The following ST8SIA1 variants were observed in gnomAD, a reference collection of about 807,000 sequenced individuals.
ST8SIA1 encodes alpha-N-acetylneuraminide alpha-2,8-sialyltransferase.
Under a neutral mutation model 35.9 loss-of-function variants are expected in ST8SIA1, and 16 were observed. The ratio of observed to expected loss-of-function variants is 0.45; its 90% CI spans 0.30 to 0.68. The LOEUF (loss-of-function observed/expected upper bound fraction) is 0.68, where lower values mean the gene tolerates loss of function less well. ST8SIA1 is among the 30% of genes least tolerant of loss of function. ST8SIA1 has a pLI of 0.09. For missense variants in ST8SIA1, 383 were observed against 453.6 expected (o/e 0.84, Z 1.41); for synonymous variants, 170 against 169.6 (o/e 1.00, Z -0.02).
intron 1 of ST8SIA1, among the ~76,000 whole-genome samples, chr12:22,322,940 C>T (rs1866620863): frequency 6.6e-6 from 1 of 152,158 alleles, no homozygotes. Context: ...TCCTTGAAAT[C>T]TCTACCTTAT....
At chr12:22,318,732 G>A (rs1324202292) in intron 1 of ST8SIA1, among the ~76,000 whole-genome samples, 1 of 152,172 alleles carries the variant, frequency 6.6e-6, no homozygotes, top group Non-Finnish European at 1.5e-5. Flanking sequence ...AGAATAAAGT[G>A]TTAATTCACC....
chr12:22,243,085 CTATAAT>C (rs370962359), intron 4 of ST8SIA1, among the ~76,000 whole-genome samples: 86 of 152,246 alleles, frequency 5.6e-4, no homozygotes, highest in African/African-American at 1.7e-3. Flanking sequence ...CTTTTTTTCA[CTATAAT>C]TATGAGTGCC....
chr12:22,316,028 CTAAA>C (rs901143987), intron 1 of ST8SIA1, among the ~76,000 whole-genome samples: 2 of 151,852 alleles, frequency 1.3e-5, no homozygotes, highest in African/African-American at 4.8e-5. Flanking sequence ...TCTAAAAAAA[CTAAA>C]TACTCTGTTT....
rs1864988648 is a variant in ST8SIA1, at chr12:22,196,394, T to A, written c.*5158A>T. The A allele has an allele frequency of 6.6e-6, 1 of 152,122 alleles. No individual in the cohort carries two copies. Among genetic ancestry groups the A allele is most frequent in the African/African-American group, 2.4e-5 (1 of 41,404 alleles). The allele number at this position is 152,122 out of a possible 1,614,324, so 9.4% of individuals were successfully genotyped here. On this transcript the variant is annotated 3_prime_UTR_variant, in exon 5 of 5. Transcript: ENST00000396037. The stretch of plus-strand genomic sequence containing the variant: ...GTTTCAATCTCTCACCCCTAAGATG[T>A]ATGTAAAAAATTCAAAAGACAAGTC...
intron 4 of ST8SIA1, among the ~76,000 whole-genome samples, chr12:22,241,775 T>C (rs1037058816): frequency 3.9e-5 from 6 of 152,056 alleles, no homozygotes; most frequent in Non-Finnish European, 8.8e-5. Flanking sequence ...TCTGCTTCTG[T>C]GAGCAACTTC....
chr12:22,197,936 G>C lies in ST8SIA1; in HGVS notation c.*3616C>G, dbSNP rs1301362264. 4 of 152,098 alleles carry C rather than the reference G, an allele frequency of 2.6e-5. No individual in the cohort carries two copies. Among genetic ancestry groups the C allele is most frequent in the African/African-American group, 9.7e-5 (4 of 41,424 alleles). 9.4% of individuals were successfully genotyped at this position (152,098 alleles called of 1,614,324 possible). On this transcript the variant is annotated 3_prime_UTR_variant, in exon 5 of 5. Transcript: ENST00000396037. ...TTATGCAGTTTAGATGTGCAATTTT[G>C]TATAAACTTTTGGCAAAATCCTCTA... is the stretch of plus-strand genomic sequence containing the variant.
chr12:22,289,037 T>C (rs11611401), intron 1 of ST8SIA1, among the ~76,000 whole-genome samples: 56,752 of 152,054 alleles, frequency 0.37, 10,834 homozygotes, highest in Middle Eastern at 0.47. Context: ...TGTGCCACCA[T>C]GCCTGGCTAA....
chr12:22,235,162 T>G (rs574486082), intron 4 of ST8SIA1, among the ~76,000 whole-genome samples: 1 of 152,316 alleles, frequency 6.6e-6, no homozygotes, highest in Admixed American at 6.5e-5. Context: ...GCAATAACAC[T>G]AAAGCTCTGA....
At chr12:22,321,003 G>GAAAGAAGAAAGAAAGAAAGAAAGAAAGA (rs377218947) in intron 1 of ST8SIA1, among the ~76,000 whole-genome samples, 1 of 76,566 alleles carries the variant, frequency 1.3e-5, no homozygotes, top group Non-Finnish European at 2.7e-5. Context: ...AAGAAAGAAA[G>GAAAGAAGAAAGAAAGAAAGAAAGAAAGA]AAGAAAGAAA....
At chr12:22,296,884 C>A (rs1025326138) in intron 1 of ST8SIA1, among the ~76,000 whole-genome samples, 1 of 152,162 alleles carries the variant, frequency 6.6e-6, no homozygotes, top group Non-Finnish European at 1.5e-5. Flanking sequence ...ACCACATGAA[C>A]ACCTATACTC....
At chr12:22,232,654 T>C (rs1865432781) in intron 4 of ST8SIA1, among the ~76,000 whole-genome samples, 1 of 152,066 alleles carries the variant, frequency 6.6e-6, no homozygotes, top group Admixed American at 6.5e-5. Flanking sequence ...ATTTAAGCCC[T>C]GAGACTGGAT....
chr12:22,218,631 A>ATAAATAAATAAG (rs2120656202), intron 4 of ST8SIA1, among the ~76,000 whole-genome samples: 1 of 151,362 alleles, frequency 6.6e-6, no homozygotes, highest in African/African-American at 2.4e-5. Flanking sequence ...AAATAAATAA[A>ATAAATAAATAAG]TAAATACAAA....
At chr12:22,256,927 A>G (rs916339062) in intron 2 of ST8SIA1, among the ~76,000 whole-genome samples, 2 of 152,206 alleles carry the variant, frequency 1.3e-5, no homozygotes, top group African/African-American at 4.8e-5. Context: ...TTAGAGCTAT[A>G]ATTTGTCAGA....
chr12:22,275,489 G>A (rs1326688350), intron 2 of ST8SIA1, among the ~76,000 whole-genome samples: 1 of 152,146 alleles, frequency 6.6e-6, no homozygotes, highest in Non-Finnish European at 1.5e-5. Flanking sequence ...CGGGGGCAGA[G>A]GTTGCAGTGA....
intron 4 of ST8SIA1, among the ~76,000 whole-genome samples, chr12:22,209,036 T>G (rs564176406): frequency 1.3e-3 from 196 of 152,186 alleles, no homozygotes; most frequent in African/African-American, 4.6e-3. Context: ...CTTTAAGACC[T>G]TTAGGACACA....
chr12:22,204,581 G>A (rs1272265464), intron 4 of ST8SIA1, among the ~76,000 whole-genome samples: 1 of 152,122 alleles, frequency 6.6e-6, no homozygotes, highest in Non-Finnish European at 1.5e-5. Context: ...CATACTAGCA[G>A]AGAATTACAC....
intron 2 of ST8SIA1, among the ~76,000 whole-genome samples, chr12:22,278,950 T>A (rs538498197): frequency 1.3e-5 from 2 of 152,234 alleles, no homozygotes; most frequent in African/African-American, 4.8e-5. Context: ...TCTGACAAAC[T>A]GCTAATATAA....
chr12:22,250,872 T>C (rs1865661173), intron 3 of ST8SIA1: 1 of 152,190 alleles, frequency 6.6e-6, no homozygotes, highest in African/African-American at 2.4e-5. Flanking sequence ...TCAGTGGCTT[T>C]TGCTGAATGC....
chr12:22,311,170 G>A (rs1434597467), intron 1 of ST8SIA1, among the ~76,000 whole-genome samples: 2 of 152,112 alleles, frequency 1.3e-5, no homozygotes, highest in Admixed American at 6.6e-5. Flanking sequence ...CAAAGACTAC[G>A]TGCTAAACTT....
Sources: allele counts gnomAD v4.1 joint callset (sites outside exome capture counted in the v4.1 genomes callset), GRCh38; gene constraint gnomAD v4.1.1; transcripts MANE v1.5; gene names NCBI Gene and HGNC (gene_info 2026-07-23, HGNC 2026-07-21).